C4orf36: variants seen among roughly 807,000 people sequenced by gnomAD.
C4orf36 encodes uncharacterized protein C4orf36.
C4orf36 carries 11 observed loss-of-function variants against 12.2 expected under a neutral mutation model. The observed-to-expected ratio is 0.90, with a 90% confidence interval of 0.57 to 1.49. The LOEUF (loss-of-function observed/expected upper bound fraction) is 1.49, where lower values mean the gene tolerates loss of function less well. Among genes scored for constraint, C4orf36 ranks in the 40% most tolerant of loss-of-function variants. The probability of loss-of-function intolerance (pLI) is 0.00; values close to 1 mark genes in which losing one functional copy is unlikely to be tolerated. For synonymous variants in C4orf36, 54 were observed against 51.3 expected (o/e 1.05, Z -0.22); for missense variants, 137 against 133.9 (o/e 1.02, Z -0.11).
chr4:86,915,305 G>C, the C4orf36 span, among the ~76,000 whole-genome samples: 1 of 152,166 alleles, frequency 6.6e-6, no homozygotes, highest in Non-Finnish European at 1.5e-5. Context: ...CCAGTGCTGG[G>C]CCATTTCCAT....
At chr4:86,915,460 G>A in the C4orf36 span, among the ~76,000 whole-genome samples, 1 of 152,178 alleles carries the variant, frequency 6.6e-6, no homozygotes, top group Non-Finnish European at 1.5e-5. Context: ...ATGGCTTTAG[G>A]GTGGGCCTTA....
upstream of C4orf36, among the ~76,000 whole-genome samples, chr4:86,895,039 C>T (rs1054029490): frequency 1.3e-5 from 2 of 152,148 alleles, no homozygotes; most frequent in Non-Finnish European, 1.5e-5. Context: ...TAGTTGGGCA[C>T]GGTGGCTCAT....
the C4orf36 span, chr4:86,914,203 A>C: frequency 1.9e-6 from 3 of 1,594,808 alleles, no homozygotes; most frequent in East Asian, 4.5e-5. Context: ...GTAGCTGCAC[A>C]GTTAATTCTC....
the C4orf36 span, among the ~76,000 whole-genome samples, chr4:86,911,131 G>A: frequency 6.6e-6 from 1 of 152,126 alleles, no homozygotes; most frequent in African/African-American, 2.4e-5. Flanking sequence ...AGTCAGAATT[G>A]AGGGCTGAAA....
the C4orf36 span, among the ~76,000 whole-genome samples, chr4:86,898,467 G>A: frequency 1.3e-5 from 2 of 152,000 alleles, no homozygotes; most frequent in Admixed American, 6.6e-5. Flanking sequence ...GGAGGCCAAC[G>A]TGGGCAGATG....
chr4:86,880,184 A>T (rs1747018061), intron 4 of C4orf36, among the ~76,000 whole-genome samples: 1 of 152,172 alleles, frequency 6.6e-6, no homozygotes, highest in Non-Finnish European at 1.5e-5. Context: ...GAAACCCTGC[A>T]GGCCAGGGCA....
chr4:86,934,967 CG>C, the C4orf36 span: 1 of 151,890 alleles, frequency 6.6e-6, no homozygotes, highest in Non-Finnish European at 1.5e-5. Context: ...GCGCGGAGGG[CG>C]TGGCCTCGGG....
At chr4:86,907,586 G>A in the C4orf36 span, among the ~76,000 whole-genome samples, 3 of 152,110 alleles carry the variant, frequency 2.0e-5, no homozygotes, top group Admixed American at 6.6e-5. Flanking sequence ...TACTTTGGGG[G>A]TATTTTCATG....
At chr4:86,889,071 C>T (rs1284034705) in intron 2 of C4orf36, among the ~76,000 whole-genome samples, 1 of 152,044 alleles carries the variant, frequency 6.6e-6, no homozygotes, top group Non-Finnish European at 1.5e-5. Context: ...ACATGGAGGC[C>T]GGGCATGGTG....
intron 2 of C4orf36, among the ~76,000 whole-genome samples, chr4:86,888,994 A>G (rs1336819784): frequency 1.3e-5 from 2 of 152,238 alleles, no homozygotes; most frequent in African/African-American, 2.4e-5. Flanking sequence ...TGAACAAGTC[A>G]TAAAAATGTA....
At chr4:86,932,343 A>C in the C4orf36 span, 1 of 103,758 alleles carries the variant, frequency 9.6e-6, no homozygotes, top group East Asian at 2.8e-4. Flanking sequence ...GTGAAACTTC[A>C]TATCAAAAAA....
At chr4:86,887,101 G>A (rs1003142425) in intron 4 of C4orf36, 1 of 151,658 alleles carries the variant, frequency 6.6e-6, no homozygotes, top group Non-Finnish European at 1.5e-5. Context: ...CATCACACAC[G>A]GGGGCCTGTT....
the C4orf36 span, among the ~76,000 whole-genome samples, chr4:86,910,195 A>G: frequency 6.6e-6 from 1 of 152,134 alleles, no homozygotes; most frequent in Admixed American, 6.6e-5. Context: ...TAATCCCAGC[A>G]CTTTCGGAGG....
chr4:86,876,436 G>A lies in C4orf36; in HGVS notation c.*10C>T. ...CTGAGTTTCTTCATCTACAATCCGC[G>A]CTTCAGGCTGCGCAAAGGAGAGGGG... On this transcript the variant is annotated 3_prime_UTR_variant, in exon 5 of 5. Coordinates refer to ENST00000295898, the MANE Select transcript of C4orf36 (RefSeq NM_144645.4). 2 of 1,613,400 alleles carry A rather than the reference G, an allele frequency of 1.2e-6. No individual in the cohort carries two copies. Among genetic ancestry groups the A allele is most frequent in the South Asian group, 1.1e-5 (1 of 91,054 alleles).
At chr4:86,891,632 G>C in intron 1 of C4orf36, 39 bp from the exon 2 acceptor site, 2 of 1,523,254 alleles carry the variant, frequency 1.3e-6, no homozygotes, top group Non-Finnish European at 1.8e-6. Flanking sequence ...TGCCTCTCAC[G>C]TGAATATTTT....
chr4:86,885,999 G>A (rs1401792441), intron 4 of C4orf36, among the ~76,000 whole-genome samples: 7 of 152,246 alleles, frequency 4.6e-5, no homozygotes, highest in East Asian at 1.9e-4. Context: ...GCTGGATTAC[G>A]TTTATTGATT....
the C4orf36 span, chr4:86,914,044 A>G: frequency 6.2e-7 from 1 of 1,610,538 alleles, no homozygotes; most frequent in Non-Finnish European, 8.5e-7. Context: ...TTGGGATGGC[A>G]ATCCAAGCTG....
chr4:86,885,174 A>G (rs368408279), intron 4 of C4orf36, among the ~76,000 whole-genome samples: 9 of 152,258 alleles, frequency 5.9e-5, no homozygotes, highest in Middle Eastern at 3.4e-3. Flanking sequence ...TTGACTTGGC[A>G]ATGCGGGCTC....
chr4:86,907,634 A>G, the C4orf36 span, among the ~76,000 whole-genome samples: 2 of 152,142 alleles, frequency 1.3e-5, no homozygotes, highest in African/African-American at 4.8e-5. Flanking sequence ...AGGAATGAAA[A>G]AGAGACAGGG....
Sources: gnomAD v4.1 joint callset for allele counts (sites outside exome capture counted in the v4.1 genomes callset) on GRCh38, gnomAD v4.1.1 for gene constraint, MANE v1.5 for transcripts, NCBI Gene and HGNC (gene_info 2026-07-23, HGNC 2026-07-21) for gene names.